EEF1E1: variants seen among roughly 807,000 people sequenced by gnomAD.
EEF1E1 encodes the protein eukaryotic translation elongation factor 1 epsilon 1, also known as eukaryotic translation elongation factor 1 epsilon-1.
Under a neutral mutation model 19.9 loss-of-function variants are expected in EEF1E1, and 19 were observed. The observed-to-expected ratio is 0.95, with a 90% CI of 0.66 to 1.40. The LOEUF is 1.40. Among genes scored for constraint, EEF1E1 ranks in the 40% most tolerant of loss-of-function variants. The pLI is 0.00. For synonymous variants in EEF1E1, 81 were observed against 80.0 expected (o/e 1.01, Z -0.07); for missense variants, 198 against 202.2 (o/e 0.98, Z 0.13).
At chr6:8,102,179 T>C in intron 1 of EEF1E1, 2 of 1,184,790 alleles carry the variant, frequency 1.7e-6, no homozygotes, top group South Asian at 1.8e-5. Flanking sequence ...TTCCTCATAA[T>C]GGGATGATGA....
At chr6:8,099,773 C>G (rs1405412108) in intron 1 of EEF1E1, among the ~76,000 whole-genome samples, 1 of 122,980 alleles carries the variant, frequency 8.1e-6, no homozygotes, top group African/African-American at 3.4e-5. Flanking sequence ...CACACACACA[C>G]ACACACACAC....
At chr6:8,078,764 C>A (rs564962953), downstream of EEF1E1, 1 of 1,279,752 alleles carries the variant, frequency 7.8e-7, no homozygotes, top group Admixed American at 2.4e-5. Flanking sequence ...AGGAAACTAA[C>A]CTTACTGATT....
intron 3 of EEF1E1, among the ~76,000 whole-genome samples, chr6:8,086,124 C>T (rs916614452): frequency 6.6e-6 from 1 of 152,000 alleles, no homozygotes; most frequent in South Asian, 2.1e-4. Context: ...CTTTGAGGAA[C>T]AATTCAGAAT....
chr6:8,077,523 T>C (rs1757629054), downstream of EEF1E1, among the ~76,000 whole-genome samples: 1 of 152,262 alleles, frequency 6.6e-6, no homozygotes, highest in African/African-American at 2.4e-5. Flanking sequence ...TAGCACTTGC[T>C]GCTTCACCTT....
chr6:8,079,358 G>A, downstream of EEF1E1: 1 of 965,352 alleles, frequency 1.0e-6, no homozygotes, highest in Non-Finnish European at 1.2e-6. Context: ...TCACCCCAAT[G>A]AGTACTGACT....
chr6:8,090,250 T>C lies in EEF1E1; in HGVS notation c.320A>G (p.Tyr107Cys). The change falls in exon 3 of 4, where the codon TAC becomes TGC. Residue 107 changes from tyrosine (Y) to cysteine (C), a missense_variant. Coordinates refer to ENST00000379715, the MANE Select transcript of EEF1E1 (RefSeq NM_004280.5). ...DLNSYLEDKVYLTGYNFTLAD... is the reference protein window; with the variant it reads ...DLNSYLEDKVCLTGYNFTLAD... Reference sequence around the variant, plus strand: ...TAATGTAAAGTTATACCCTGTAAGGTAGACTTTATCTTCAAGATATGAATT... The same window carrying C: ...TAATGTAAAGTTATACCCTGTAAGGCAGACTTTATCTTCAAGATATGAATT... 6.7e-7 allele frequency: 1 copy of C among 1,495,532 alleles called. No individual in the cohort carries two copies. Among genetic ancestry groups the C allele is most frequent in the Non-Finnish European group, 8.8e-7 (1 of 1,131,478 alleles). 92.6% of individuals were successfully genotyped at this position (1,495,532 alleles called of 1,614,324 possible).
At chr6:8,102,244 T>G (rs1242240763) in intron 1 of EEF1E1, 191 bp downstream of exon 1, 1 of 529,440 alleles carries the variant, frequency 1.9e-6, no homozygotes, top group Non-Finnish European at 2.4e-6. Flanking sequence ...GGTTAACCCC[T>G]CCCTCCAGGA....
downstream of EEF1E1, among the ~76,000 whole-genome samples, chr6:8,075,934 A>C (rs116038193): frequency 6.6e-4 from 101 of 152,300 alleles, 1 homozygote; most frequent in Non-Finnish European, 1.2e-3. Flanking sequence ...ACTAGGAATA[A>C]AGTCCACCTT....
Position 8,079,770 on chromosome 6 carries a change from T to C in EEF1E1, c.*120A>G. On this transcript the variant is annotated 3_prime_UTR_variant, in exon 4 of 4. Transcript: ENST00000379715. Reference sequence around the variant, plus strand: ...CAGACACAAGTTTACACTTCAAAAATTCTATCAACTTCAACAAATAATGAA... The same window carrying C: ...CAGACACAAGTTTACACTTCAAAAACTCTATCAACTTCAACAAATAATGAA... 1 of 1,350,534 alleles carries C rather than the reference T, an allele frequency of 7.4e-7. No individual in the cohort carries two copies. The highest frequency in any genetic ancestry group is 2.3e-5 in the South Asian group (1 of 43,620). The allele number at this position is 1,350,534 out of a possible 1,614,324, so 83.7% of individuals were successfully genotyped here.
intron 2 of EEF1E1, among the ~76,000 whole-genome samples, chr6:8,090,599 T>C (rs1374446671): frequency 2.0e-5 from 3 of 152,026 alleles, no homozygotes; most frequent in African/African-American, 7.2e-5. Flanking sequence ...GCTCATTAGT[T>C]ACACTTATTT....
rs908356191 is a variant in EEF1E1 at position 8,093,377 on chromosome 6, AAT to A, written c.289-3098_289-3097del. Among the ~76,000 whole-genome samples, 61 of 147,216 alleles carry A rather than the reference AAT, an allele frequency of 4.1e-4. 2 individuals are homozygous for A. Among genetic ancestry groups the A allele is most frequent in the Non-Finnish European group, 3.3e-4 (22 of 67,014 alleles). On this transcript the variant is annotated intron_variant, in intron 2 of 3. Coordinates refer to ENST00000379715, the MANE Select transcript of EEF1E1 (RefSeq NM_004280.5). ...TTCTGATGCCATTGTCAAACTGTTAAATACTTCCCCTACAATTCCACCTGATT... is the reference window on the plus strand; with the variant it reads ...TTCTGATGCCATTGTCAAACTGTTAAACTTCCCCTACAATTCCACCTGATT...
chr6:8,102,320 T>G, intron 1 of EEF1E1, 115 bp downstream of exon 1: 1 of 1,100,982 alleles, frequency 9.1e-7, no homozygotes, highest in South Asian at 1.6e-5. Flanking sequence ...CGTGGGGAGC[T>G]GGGTAGCAGC....
intron 1 of EEF1E1, 31 bp downstream of exon 1, chr6:8,102,402 CCT>C: frequency 6.3e-7 from 1 of 1,598,762 alleles, no homozygotes; most frequent in Non-Finnish European, 8.5e-7. Flanking sequence ...CTCCCGTCCA[CCT>C]CTTCCCCTCC....
At chr6:8,096,164 C>G (rs140344240) in intron 2 of EEF1E1, among the ~76,000 whole-genome samples, 2,000 of 152,316 alleles carry the variant, frequency 0.013, 46 homozygotes, top group African/African-American at 0.045. Flanking sequence ...ACTTTTGAAT[C>G]TTATAAACCC....
intron 3 of EEF1E1, among the ~76,000 whole-genome samples, chr6:8,083,896 T>C (rs1345672153): frequency 6.6e-6 from 1 of 152,170 alleles, no homozygotes; most frequent in East Asian, 1.9e-4. Context: ...TTATTCCACA[T>C]CTGTATGTAT....
downstream of EEF1E1, among the ~76,000 whole-genome samples, chr6:8,077,185 C>A (rs903440194): frequency 2.0e-5 from 3 of 151,818 alleles, no homozygotes; most frequent in South Asian, 6.3e-4. Flanking sequence ...CCTCGTGATC[C>A]GCCCGCCTTG....
intron 3 of EEF1E1, chr6:8,073,608 G>T: frequency 6.9e-7 from 1 of 1,452,562 alleles, no homozygotes. Context: ...TATTATTGTT[G>T]TTATTAAAAG....
At chr6:8,102,403 C>G (rs1295872300) in intron 1 of EEF1E1, 32 bp downstream of exon 1, 1 of 1,599,844 alleles carries the variant, frequency 6.3e-7, no homozygotes, top group Admixed American at 1.7e-5. Context: ...TCCCGTCCAC[C>G]TCTTCCCCTC....
chr6:8,076,778 C>A (rs1324909230), downstream of EEF1E1, among the ~76,000 whole-genome samples: 1 of 152,132 alleles, frequency 6.6e-6, no homozygotes, highest in Non-Finnish European at 1.5e-5. Flanking sequence ...GGTGTATTGT[C>A]ATTGAGCAGT....
Sources: gnomAD v4.1 joint callset for allele counts (sites outside exome capture counted in the v4.1 genomes callset) on GRCh38, gnomAD v4.1.1 for gene constraint, MANE v1.5 for transcripts, NCBI Gene and HGNC (gene_info 2026-07-23, HGNC 2026-07-21) for gene names.